The following ZNF385D variants were observed in gnomAD, a reference collection of about 807,000 sequenced individuals.
ZNF385D encodes the protein zinc finger protein 385D.
A neutral mutation model predicts 35.8 loss-of-function variants in ZNF385D; 15 were observed. That is an observed-to-expected ratio of 0.42 (90% confidence interval 0.28 to 0.64). The LOEUF is 0.64. ZNF385D is among the 30% of genes least tolerant of loss of function. ZNF385D has a pLI of 0.23. For synonymous variants in ZNF385D, 212 were observed against 186.8 expected, an observed-to-expected ratio of 1.13 and a Z score of -1.10; for missense variants, 474 against 494.6, an observed-to-expected ratio of 0.96 and a Z score of 0.39.
intron 2 of ZNF385D, among the ~76,000 whole-genome samples, chr3:21,598,611 C>T (rs1269074684): frequency 1.3e-5 from 2 of 152,030 alleles, no homozygotes; most frequent in Admixed American, 6.6e-5. Flanking sequence ...AAATATCTGT[C>T]GACTTGGATA....
At chr3:21,854,282 A>C (rs1696582627) in intron 3 of ZNF385D, among the ~76,000 whole-genome samples, 1 of 151,970 alleles carries the variant, frequency 6.6e-6, no homozygotes, top group Admixed American at 6.6e-5. Flanking sequence ...ATAGAAAAGA[A>C]AACTTTCAAT....
intron 3 of ZNF385D, among the ~76,000 whole-genome samples, chr3:22,015,021 C>T (rs1432774983): frequency 6.6e-6 from 1 of 152,108 alleles, no homozygotes; most frequent in Non-Finnish European, 1.5e-5. Flanking sequence ...ATGTTCACAA[C>T]AAGCATATAT....
intron 3 of ZNF385D, among the ~76,000 whole-genome samples, chr3:21,819,762 ATATATAAT>A (rs1249413914): frequency 1.4e-4 from 11 of 79,864 alleles, no homozygotes; most frequent in South Asian, 1.1e-3. Context: ...ACACATAATT[ATATATAAT>A]TAATACACAT....
intron 2 of ZNF385D, among the ~76,000 whole-genome samples, chr3:22,321,170 T>G (rs1243553792): frequency 2.0e-5 from 3 of 147,976 alleles, no homozygotes; most frequent in Non-Finnish European, 4.5e-5. Context: ...CCTTGTTTTT[T>G]TTTTTTTTTT....
chr3:21,734,265 G>A (rs1346300211), intron 1 of ZNF385D, among the ~76,000 whole-genome samples: 1 of 131,560 alleles, frequency 7.6e-6, no homozygotes, highest in Non-Finnish European at 1.6e-5. Context: ...CTAGGCAGTA[G>A]GAAACCCAGA....
intron 3 of ZNF385D, among the ~76,000 whole-genome samples, chr3:21,838,351 A>G (rs1695455302): frequency 6.6e-6 from 1 of 152,148 alleles, no homozygotes; most frequent in South Asian, 2.1e-4. Flanking sequence ...TGTATGGTAT[A>G]TATGCTAAAA....
intron 3 of ZNF385D, among the ~76,000 whole-genome samples, chr3:21,822,370 C>A (rs969846907): frequency 4.6e-5 from 7 of 152,116 alleles, no homozygotes; most frequent in African/African-American, 1.7e-4. Flanking sequence ...CCGCGCCCAG[C>A]CTGGCTAAAC....
At chr3:22,098,700 ATAAG>A (rs796539765) in intron 3 of ZNF385D, among the ~76,000 whole-genome samples, 1 of 152,118 alleles carries the variant, frequency 6.6e-6, no homozygotes, top group African/African-American at 2.4e-5. Context: ...ATGTCACATG[ATAAG>A]TAAGCACATG....
intron 2 of ZNF385D, among the ~76,000 whole-genome samples, chr3:22,212,889 T>G (rs985292960): frequency 5.9e-5 from 9 of 151,972 alleles, no homozygotes; most frequent in East Asian, 3.9e-4. Flanking sequence ...TAATTTAAGA[T>G]GCACAGCCAA....
intron 2 of ZNF385D, among the ~76,000 whole-genome samples, chr3:21,566,231 C>T (rs2063141867): frequency 6.6e-6 from 1 of 151,482 alleles, no homozygotes; most frequent in Non-Finnish European, 1.5e-5. Flanking sequence ...TTCTTTTCCA[C>T]CTTCCCTTTA....
intron 3 of ZNF385D, among the ~76,000 whole-genome samples, chr3:22,085,654 G>A (rs552533618): frequency 3.9e-5 from 6 of 152,122 alleles, no homozygotes; most frequent in East Asian, 1.9e-4. Context: ...GGTACAAAGA[G>A]GAGCTGGTAC....
At chr3:21,835,724 G>T (rs1695289858) in intron 3 of ZNF385D, among the ~76,000 whole-genome samples, 1 of 152,158 alleles carries the variant, frequency 6.6e-6, no homozygotes, top group Non-Finnish European at 1.5e-5. Flanking sequence ...TATGGGGAAA[G>T]ATGATACCTT....
chr3:22,120,735 C>G (rs1002010681), intron 3 of ZNF385D, among the ~76,000 whole-genome samples: 1 of 152,116 alleles, frequency 6.6e-6, no homozygotes, highest in Non-Finnish European at 1.5e-5. Flanking sequence ...TCAATTAATA[C>G]TAAAACAAAA....
At chr3:21,513,448 A>G (rs1276612314) in intron 3 of ZNF385D, among the ~76,000 whole-genome samples, 1 of 152,182 alleles carries the variant, frequency 6.6e-6, no homozygotes, top group Non-Finnish European at 1.5e-5. Flanking sequence ...CGTTTATTGA[A>G]TGACAGTACC....
At chr3:22,345,240 G>C (rs1449388622) in intron 2 of ZNF385D, among the ~76,000 whole-genome samples, 1 of 151,970 alleles carries the variant, frequency 6.6e-6, no homozygotes, top group Non-Finnish European at 1.5e-5. Flanking sequence ...TCACTGTCCA[G>C]GTAACTCTAC....
At chr3:22,277,102 C>T (rs1030850978) in intron 2 of ZNF385D, among the ~76,000 whole-genome samples, 1 of 152,030 alleles carries the variant, frequency 6.6e-6, no homozygotes, top group African/African-American at 2.4e-5. Context: ...TTCTAAGTAA[C>T]AGATTTAACT....
At chr3:21,975,172 G>A (rs777922174) in intron 3 of ZNF385D, among the ~76,000 whole-genome samples, 1 of 152,148 alleles carries the variant, frequency 6.6e-6, no homozygotes, top group African/African-American at 2.4e-5. Context: ...CTAAGTGTCT[G>A]TCAACAGACA....
At chr3:21,480,460 G>A (rs925904236) in intron 4 of ZNF385D, among the ~76,000 whole-genome samples, 1 of 152,060 alleles carries the variant, frequency 6.6e-6, no homozygotes, top group African/African-American at 2.4e-5. Context: ...ACCCCAGGAG[G>A]ATGAGTTGCT....
chr3:22,196,602 C>T (rs2125235145), intron 2 of ZNF385D, among the ~76,000 whole-genome samples: 1 of 151,902 alleles, frequency 6.6e-6, no homozygotes, highest in East Asian at 1.9e-4. Flanking sequence ...CAATATCTTT[C>T]CTCTACTTAT....
Sources: allele counts gnomAD v4.1 joint callset (sites outside exome capture counted in the v4.1 genomes callset), GRCh38; gene constraint gnomAD v4.1.1; transcripts MANE v1.5; gene names NCBI Gene and HGNC (gene_info 2026-07-23, HGNC 2026-07-21).